The following USP8 variants were observed in gnomAD, a reference collection of about 807,000 sequenced individuals.
The protein encoded by USP8 is ubiquitin specific peptidase 8.
A neutral mutation model predicts 130.0 loss-of-function variants in USP8; 27 were observed. The observed-to-expected ratio is 0.21, with a 90% CI of 0.15 to 0.29. The LOEUF (loss-of-function observed/expected upper bound fraction) is 0.29, where lower values mean the gene tolerates loss of function less well. USP8 is among the 10% of genes least tolerant of loss of function. USP8 has a pLI of 1.00. For synonymous variants in USP8, 392 were observed against 444.1 expected (o/e 0.88, Z 1.48); for missense variants, 1,029 against 1,312.2 (o/e 0.78, Z 3.33).
chr15:50,443,054 A>T (rs1392116080), intron 3 of USP8, among the ~76,000 whole-genome samples: 1 of 152,076 alleles, frequency 6.6e-6, no homozygotes, highest in East Asian at 1.9e-4. Flanking sequence ...TAATTTATTT[A>T]CTTTGAGAGA....
At chr15:50,493,057 T>C in intron 15 of USP8, 144 bp downstream of exon 15, 1 of 900,242 alleles carries the variant, frequency 1.1e-6, no homozygotes, top group South Asian at 1.4e-5. Flanking sequence ...TATTTTCTCT[T>C]AGTTCTTGAC....
At chr15:50,437,468 C>A (rs577715300) in intron 1 of USP8, among the ~76,000 whole-genome samples, 1 of 151,970 alleles carries the variant, frequency 6.6e-6, no homozygotes. Context: ...TTCAACATTG[C>A]GGGGGATGGG....
Position 50,491,411 on chromosome 15 carries a change from T to C in USP8, c.2234+886T>C, listed in dbSNP as rs145993475. Among the ~76,000 whole-genome samples, 256 of 152,342 alleles carry C rather than the reference T, an allele frequency of 1.7e-3. 2 individuals are homozygous for C. Among genetic ancestry groups the C allele is most frequent in the African/African-American group, 5.8e-3 (240 of 41,582 alleles). The stretch of plus-strand genomic sequence containing the variant: ...CTTTTAAAAATTCTATTAATCTTGT[T>C]ATAGATTTTAGAGTTCATTATAATA... On this transcript the variant is annotated intron_variant, in intron 14 of 19. Coordinates refer to ENST00000307179, the MANE Select transcript of USP8 (RefSeq NM_005154.5).
chr15:50,481,597 C>T lies in USP8; in HGVS notation c.1335C>T (p.Ser445=), dbSNP rs2051772395. Residue 445 remains serine, a synonymous_variant, in exon 11 of 20, where the codon TCC becomes TCT. Coordinates refer to ENST00000307179, the MANE Select transcript of USP8 (RefSeq NM_005154.5). ...PQSGKVIPDR[S]TKPVVFSPTL... Reference sequence around the variant, plus strand: ...GTGGAAAAGTTATTCCTGATCGTTCCACCAAGCCAGTAGTTTTTTCTCCAA... The same window carrying T: ...GTGGAAAAGTTATTCCTGATCGTTCTACCAAGCCAGTAGTTTTTTCTCCAA... The T allele has an allele frequency of 1.2e-6, 2 of 1,614,078 alleles. No individual in the cohort carries two copies. The highest frequency in any genetic ancestry group is 2.2e-5 in the South Asian group (2 of 91,074).
At chr15:50,498,816 G>A (rs768446762) in intron 19 of USP8, 87 bp from the exon 20 acceptor site, 8 of 1,548,450 alleles carry the variant, frequency 5.2e-6, no homozygotes, top group Non-Finnish European at 6.1e-6. Context: ...GGAAGAGTAA[G>A]AACAACATAA....
chr15:50,447,440 C>T (rs2050478276), intron 3 of USP8, among the ~76,000 whole-genome samples: 1 of 152,142 alleles, frequency 6.6e-6, no homozygotes, highest in South Asian at 2.1e-4. Flanking sequence ...GGGGGTTTGC[C>T]ATGTTGGCCA....
rs1024255097 is a variant in USP8, at chr15:50,511,690, T to C, written c.*12602T>C. 6.6e-6 allele frequency: 1 copy of C among 152,260 alleles called. No individual in the cohort carries two copies. Among genetic ancestry groups the C allele is most frequent in the African/African-American group, 2.4e-5 (1 of 41,474 alleles). 9.4% of individuals were successfully genotyped at this position (152,260 alleles called of 1,614,324 possible). A position where few individuals can be genotyped will look rare whatever the true frequency, so the allele number is the denominator to read the frequency against. ...AACAGAAGGTCATATATTCTATGAT[T>C]CTGTTTATTAAAATACCCAGAATAG... On this transcript the variant is annotated 3_prime_UTR_variant, in exon 20 of 20. Coordinates refer to ENST00000307179, the MANE Select transcript of USP8 (RefSeq NM_005154.5).
intron 2 of USP8, among the ~76,000 whole-genome samples, chr15:50,441,064 G>A (rs762621057): frequency 7.2e-5 from 11 of 151,980 alleles, no homozygotes; most frequent in Admixed American, 2.6e-4. Context: ...AATAGGGTTC[G>A]TGCTCCTATG....
At chr15:50,493,080 C>T (rs755477650) in intron 15 of USP8, 167 bp downstream of exon 15, 3 of 761,998 alleles carry the variant, frequency 3.9e-6, no homozygotes, top group Admixed American at 2.0e-5. Flanking sequence ...GGAAGGCCAT[C>T]GTCTAGGTGC....
chr15:50,489,963 C>A, intron 13 of USP8, 82 bp downstream of exon 13: 1 of 1,161,688 alleles, frequency 8.6e-7, no homozygotes, highest in Non-Finnish European at 1.2e-6. Flanking sequence ...TTCTGTAATG[C>A]AGAGTCAATT....
intron 10 of USP8, among the ~76,000 whole-genome samples, chr15:50,479,933 A>AT (rs911986173): frequency 5.9e-5 from 9 of 151,352 alleles, no homozygotes; most frequent in African/African-American, 1.2e-4. Flanking sequence ...TAATTTTTGT[A>AT]TTTTTTTTGT....
At chr15:50,482,142 C>A in intron 11 of USP8, 77 bp downstream of exon 11, 2 of 1,303,786 alleles carry the variant, frequency 1.5e-6, no homozygotes, top group Non-Finnish European at 2.0e-6. Flanking sequence ...AGTGGCATTC[C>A]ATAAAAGGGC....
chr15:50,443,366 G>A (rs1168854218), intron 3 of USP8, among the ~76,000 whole-genome samples: 1 of 151,894 alleles, frequency 6.6e-6, no homozygotes, highest in Non-Finnish European at 1.5e-5. Context: ...TATTTTTAGA[G>A]GAGTGTGACT....
At position 50,504,931 on chromosome 15, in the gene USP8, A is replaced by C. The variant is rs1596003333; in HGVS notation, c.*5843A>C. 1.3e-5 allele frequency: 2 copies of C among 152,060 alleles called. No homozygotes were observed. Among genetic ancestry groups the C allele is most frequent in the Non-Finnish European group, 2.9e-5 (2 of 68,098 alleles). 9.4% of individuals were successfully genotyped at this position (152,060 alleles called of 1,614,324 possible). ...CGGGAGGTGGAGGTTGCAGTGAGCCAAGATCGTGCCATTGCACTCCAGTGT... is the reference window on the plus strand; with the variant it reads ...CGGGAGGTGGAGGTTGCAGTGAGCCCAGATCGTGCCATTGCACTCCAGTGT... On this transcript the variant is annotated 3_prime_UTR_variant, in exon 20 of 20. Coordinates refer to ENST00000307179, the MANE Select transcript of USP8 (RefSeq NM_005154.5).
At chr15:50,431,007 G>A (rs896530851) in intron 1 of USP8, among the ~76,000 whole-genome samples, 5 of 152,198 alleles carry the variant, frequency 3.3e-5, no homozygotes, top group Non-Finnish European at 4.4e-5. Context: ...ATTGCACAGA[G>A]CAGCCTCTCA....
At position 50,459,994 on chromosome 15, in the gene USP8, C is replaced by G. The variant is rs1254638386; in HGVS notation, c.498+832C>G. 3.0e-4 allele frequency among the ~76,000 whole-genome samples: 36 copies of G among 119,012 alleles called. No homozygotes were observed. In the East Asian group the frequency reaches 6.3e-3, roughly 21 times the overall value. 78.1% of individuals were successfully genotyped at this position (119,012 alleles called of 152,430 possible). On this transcript the variant is annotated intron_variant, in intron 5 of 19. Transcript: ENST00000307179. ...TTCTCCCCCAGTTCCCCCACCCCCC[C>G]CCTTTTTTTTTTTTTTTTTTGAGAC...
Position 50,484,336 on chromosome 15 carries a change from A to C in USP8, c.1865A>C (p.Asp622Ala), listed in dbSNP as rs1377487463. ...GILRTGTFRE[D>A]TDDTERNKAQ... ...CTAAGGACAGGAACTTTTAGAGAGG[A>C]TACAGACGATACCGAAAGAAATAAA... Residue 622 changes from aspartate to alanine, a missense_variant, in exon 12 of 20, where the codon GAT becomes GCT. Physicochemically the swap from Asp to Ala is moderately radical, Grantham distance 126. This residue lies in a region of USP8 where 486 missense variants were observed against 522.0 expected (regional missense o/e 0.93). Coordinates refer to ENST00000307179, the MANE Select transcript of USP8 (RefSeq NM_005154.5). 3 of 1,612,274 alleles carry C rather than the reference A, an allele frequency of 1.9e-6. No homozygotes were observed. In the East Asian group the frequency reaches 6.7e-5, roughly 36 times the overall value.
intron 10 of USP8, among the ~76,000 whole-genome samples, chr15:50,479,958 G>C (rs1282141344): frequency 6.6e-6 from 1 of 151,848 alleles, no homozygotes; most frequent in Non-Finnish European, 1.5e-5. Flanking sequence ...ATGGGGTTTT[G>C]CCATGTTGCC....
intron 7 of USP8, among the ~76,000 whole-genome samples, chr15:50,467,703 A>G (rs2051236934): frequency 6.6e-6 from 1 of 151,722 alleles, no homozygotes; most frequent in Non-Finnish European, 1.5e-5. Flanking sequence ...ATACAGGCAC[A>G]TGCCACCATG....
Sources: allele counts gnomAD v4.1 joint callset (sites outside exome capture counted in the v4.1 genomes callset), GRCh38; gene constraint gnomAD v4.1.1; regional missense constraint gnomAD v4.1.1; transcripts MANE v1.5; gene names NCBI Gene and HGNC (gene_info 2026-07-23, HGNC 2026-07-21).